MAGI1: variants seen among roughly 807,000 people sequenced by gnomAD.
MAGI1 encodes the protein membrane associated guanylate kinase, WW and PDZ domain containing 1.
MAGI1 carries 58 observed loss-of-function variants against 139.9 expected under a neutral mutation model. The observed-to-expected ratio is 0.41, with a 90% CI of 0.34 to 0.52. The LOEUF (loss-of-function observed/expected upper bound fraction) is 0.52, where lower values mean the gene tolerates loss of function less well. Ranked by LOEUF, MAGI1 falls within the 20% of genes least tolerant of loss-of-function variation. The pLI is 0.12. For synonymous variants in MAGI1, 812 were observed against 737.9 expected (o/e 1.10, Z -1.63); for missense variants, 1,874 against 1,901.6 (o/e 0.99, Z 0.27).
Position 65,367,528 on chromosome 3 carries a change from A to G in MAGI1, c.3197-2582T>C, listed in dbSNP as rs150671033. Reference sequence around the variant, plus strand: ...CCTCATTTGTTGTTTATCTTAATCTATGAAGCACCACCATTTAAGGATGGT... The same window carrying G: ...CCTCATTTGTTGTTTATCTTAATCTGTGAAGCACCACCATTTAAGGATGGT... On this transcript the variant is annotated intron_variant, in intron 18 of 22. Coordinates refer to ENST00000402939, the MANE Select transcript of MAGI1 (RefSeq NM_001033057.2). Among the ~76,000 whole-genome samples, 242 of 152,244 alleles carry G rather than the reference A, an allele frequency of 1.6e-3. 1 individual carries two copies. The highest frequency in any genetic ancestry group is 5.7e-3 in the African/African-American group (235 of 41,554).
intron 1 of MAGI1, among the ~76,000 whole-genome samples, chr3:65,767,300 G>T (rs918808726): frequency 4.7e-5 from 7 of 147,562 alleles, no homozygotes; most frequent in Non-Finnish European, 9.0e-5. Context: ...CCACAGTTTA[G>T]TTTTTTTTTT....
At chr3:65,934,270 T>C (rs1242344899) in intron 1 of MAGI1, among the ~76,000 whole-genome samples, 2 of 151,934 alleles carry the variant, frequency 1.3e-5, no homozygotes, top group African/African-American at 4.8e-5. Flanking sequence ...CATTTTTTTT[T>C]TTTTAAGATA....
chr3:65,994,273 C>CAA (rs35940908), intron 1 of MAGI1, among the ~76,000 whole-genome samples: 11,137 of 109,134 alleles, frequency 0.1, 721 homozygotes, highest in South Asian at 0.13. Flanking sequence ...GACTCCATCT[C>CAA]AAAAAAAAAA....
chr3:65,520,736 C>G (rs1415538665), intron 2 of MAGI1, among the ~76,000 whole-genome samples: 1 of 152,118 alleles, frequency 6.6e-6, no homozygotes, highest in South Asian at 2.1e-4. Flanking sequence ...CCAGGAGAAA[C>G]AAGAGCCACA....
intron 3 of MAGI1, among the ~76,000 whole-genome samples, chr3:65,486,507 G>A (rs1951646881): frequency 6.6e-6 from 1 of 152,158 alleles, no homozygotes; most frequent in Admixed American, 6.5e-5. Flanking sequence ...AAGGGAAAAG[G>A]GAAATGGTTC....
At chr3:65,696,251 G>C (rs907606064) in intron 1 of MAGI1, among the ~76,000 whole-genome samples, 1 of 152,124 alleles carries the variant, frequency 6.6e-6, no homozygotes, top group Admixed American at 6.5e-5. Context: ...CCTATGTAAA[G>C]AAACCCTCTG....
intron 12 of MAGI1, among the ~76,000 whole-genome samples, chr3:65,423,186 T>C (rs1003089675): frequency 1.3e-5 from 2 of 152,178 alleles, no homozygotes; most frequent in African/African-American, 4.8e-5. Flanking sequence ...TCTGGGGCCC[T>C]ACAGCTCAAT....
At chr3:65,926,471 G>T (rs2062525211) in intron 1 of MAGI1, among the ~76,000 whole-genome samples, 1 of 152,114 alleles carries the variant, frequency 6.6e-6, no homozygotes, top group East Asian at 1.9e-4. Context: ...CTGCTGGACT[G>T]TATTACCAGT....
intron 2 of MAGI1, among the ~76,000 whole-genome samples, chr3:65,589,266 G>T (rs190790402): frequency 6.6e-6 from 1 of 152,248 alleles, no homozygotes; most frequent in East Asian, 1.9e-4. Context: ...TATGAAAACA[G>T]ATTCAAACTT....
At chr3:65,848,487 A>G (rs1388244919) in intron 1 of MAGI1, among the ~76,000 whole-genome samples, 2 of 152,266 alleles carry the variant, frequency 1.3e-5, no homozygotes, top group Middle Eastern at 3.4e-3. Context: ...CTGACAGGCA[A>G]TCTTTAATTA....
intron 1 of MAGI1, among the ~76,000 whole-genome samples, chr3:65,809,093 G>T (rs9836691): frequency 4.7e-4 from 71 of 152,314 alleles, no homozygotes; most frequent in African/African-American, 1.6e-3. Context: ...ATGGTCCACA[G>T]GGCCCATGGG....
chr3:65,875,356 A>T (rs2108503563), intron 1 of MAGI1, among the ~76,000 whole-genome samples: 1 of 152,332 alleles, frequency 6.6e-6, no homozygotes. Flanking sequence ...TTTAGTTGTA[A>T]ACTTTAAATG....
At chr3:65,365,161 CCAAA>C (rs747349288) in intron 18 of MAGI1, 2 of 732,972 alleles carry the variant, frequency 2.7e-6, no homozygotes, top group South Asian at 1.4e-5. Context: ...GACCCTCCTC[CCAAA>C]CAGACATCTC....
intron 12 of MAGI1, among the ~76,000 whole-genome samples, chr3:65,408,471 A>C (rs919643383): frequency 9.2e-5 from 14 of 152,182 alleles, no homozygotes; most frequent in African/African-American, 3.4e-4. Flanking sequence ...GAGTCAAAAC[A>C]GTAAGAGATT....
intron 1 of MAGI1, among the ~76,000 whole-genome samples, chr3:65,856,998 A>T: frequency 6.6e-6 from 1 of 151,984 alleles, no homozygotes; most frequent in East Asian, 1.9e-4. Context: ...AAACCAATAC[A>T]CCCTGACGGC....
At chr3:65,786,608 A>ATTTTTTTTTTTTTTTTTTTT (rs34768515) in intron 1 of MAGI1, among the ~76,000 whole-genome samples, 1 of 128,372 alleles carries the variant, frequency 7.8e-6, no homozygotes. Flanking sequence ...TGGCCCAAGA[A>ATTTTTTTTTTTTTTTTTTTT]TTTTTTTTTT....
chr3:65,381,493 A>G (rs1438727320), intron 16 of MAGI1, among the ~76,000 whole-genome samples: 1 of 152,138 alleles, frequency 6.6e-6, no homozygotes, highest in Non-Finnish European at 1.5e-5. Context: ...CTTATTTTGT[A>G]GCACAAACCC....
At chr3:65,920,852 A>G (rs562405075) in intron 1 of MAGI1, among the ~76,000 whole-genome samples, 2 of 152,202 alleles carry the variant, frequency 1.3e-5, no homozygotes, top group Admixed American at 6.5e-5. Context: ...AACATGGTGA[A>G]ACTCCGTCTC....
chr3:65,737,967 T>C (rs1012721738), intron 1 of MAGI1, among the ~76,000 whole-genome samples: 10 of 152,180 alleles, frequency 6.6e-5, no homozygotes, highest in Admixed American at 2.0e-4. Flanking sequence ...TACAATATTC[T>C]AACTTGAAAA....
Sources: allele counts gnomAD v4.1 joint callset (sites outside exome capture counted in the v4.1 genomes callset), GRCh38; gene constraint gnomAD v4.1.1; transcripts MANE v1.5; gene names NCBI Gene and HGNC (gene_info 2026-07-23, HGNC 2026-07-21).